The following KIF17 variants were observed in gnomAD, a reference collection of about 807,000 sequenced individuals.
KIF17 encodes the protein kinesin family member 17.
A neutral mutation model predicts 96.8 loss-of-function variants in KIF17; 80 were observed. The ratio of observed to expected loss-of-function variants is 0.83; its 90% CI spans 0.69 to 1.00. The LOEUF (loss-of-function observed/expected upper bound fraction) is 1.00, where lower values mean the gene tolerates loss of function less well. Among genes scored for constraint, KIF17 ranks in the 50% least tolerant of loss-of-function variants. The pLI is 0.00. For missense variants in KIF17, 1,280 were observed against 1,372.9 expected (o/e 0.93, Z 1.07); for synonymous variants, 567 against 587.5 (o/e 0.97, Z 0.51).
Position 20,670,314 on chromosome 1 carries a change from C to T in KIF17, c.2790+107G>A, listed in dbSNP as rs77149150. The T allele has an allele frequency of 1.3e-3, 1,452 of 1,101,718 alleles. 15 individuals are homozygous for T. The African/African-American group carries it at 0.019, about 14-fold the overall frequency. 68.2% of individuals were successfully genotyped at this position (1,101,718 alleles called of 1,614,324 possible). ...CTTGGCCCCTTCTTTAATCCTTAGG[C>T]GGGAGGAAAGTGGAAAACCAGCTCT... On this transcript the variant is annotated intron_variant, in intron 13 of 14. Coordinates refer to ENST00000400463, the MANE Select transcript of KIF17 (RefSeq NM_001122819.3).
rs371872390 is a variant in KIF17, at chr1:20,671,990, G to A, written c.2670C>T (p.Asn890=). 81 of 1,613,914 alleles carry A rather than the reference G, an allele frequency of 5.0e-5. No homozygotes were observed. Among genetic ancestry groups the A allele is most frequent in the East Asian group, 3.8e-4 (17 of 44,898 alleles). The change falls in exon 12 of 15, where the codon AAC becomes AAT. Residue 890 remains asparagine, a synonymous_variant. Coordinates refer to ENST00000400463, the MANE Select transcript of KIF17 (RefSeq NM_001122819.3). ...ILRESCWDED[N]GFWKIPHPVI... ...CGGGATGTGGGATCTTCCAGAAGCC[G>A]TTATCTTCGTCCCAGCAGGACTCAC...
intron 8 of KIF17, chr1:20,686,423 A>G (rs1054804240): frequency 1.9e-6 from 1 of 513,784 alleles, no homozygotes; most frequent in African/African-American, 1.9e-5. Context: ...CCAGCCCAGA[A>G]AGGTCACACA....
chr1:20,698,072 C>G (rs936965228), intron 6 of KIF17, among the ~76,000 whole-genome samples: 5 of 152,244 alleles, frequency 3.3e-5, no homozygotes, highest in Non-Finnish European at 7.3e-5. Context: ...GCCACCCCTT[C>G]CTTCAAAACG....
chr1:20,666,322 G>C lies in KIF17; in HGVS notation c.2800C>G (p.Arg934Gly). ...CTCCGACTGAGCATGAGCCTGTAGC[G>C]GTCGTCCTCCTGCCGAGATGCAGAT... ...DNGEPNMEDD[R>G]YRLMLSRSNS... Residue 934 changes from arginine to glycine, a missense_variant, in exon 14 of 15, where the codon CGC (arginine) becomes GGC (glycine). Arg to Gly is a moderately radical substitution (Grantham distance 125). Coordinates refer to ENST00000400463, the MANE Select transcript of KIF17 (RefSeq NM_001122819.3). 2 of 1,613,168 alleles carry C rather than the reference G, an allele frequency of 1.2e-6. No individual in the cohort carries two copies. Among genetic ancestry groups the C allele is most frequent in the Non-Finnish European group, 1.7e-6 (2 of 1,179,066 alleles).
intron 3 of KIF17, among the ~76,000 whole-genome samples, chr1:20,712,850 A>ATAG (rs2054492405): frequency 4.4e-4 from 6 of 13,602 alleles, no homozygotes; most frequent in East Asian, 4.3e-3. Flanking sequence ...AGATATAGAT[A>ATAG]ATATTATCTA....
At chr1:20,697,166 A>G (rs1385353317) in intron 6 of KIF17, among the ~76,000 whole-genome samples, 1 of 152,218 alleles carries the variant, frequency 6.6e-6, no homozygotes, top group African/African-American at 2.4e-5. Context: ...CCACAGCCCA[A>G]CAGGGGCTTC....
intron 10 of KIF17, among the ~76,000 whole-genome samples, chr1:20,683,915 G>GC (rs972625485): frequency 6.6e-6 from 1 of 151,514 alleles, no homozygotes; most frequent in African/African-American, 2.5e-5. Flanking sequence ...TTCTGTGAAG[G>GC]CCCCCCAGCC....
rs116683388 is a variant in KIF17, at chr1:20,704,785, T to C, written c.785A>G (p.Lys262Arg). The C allele has an allele frequency of 3.0e-4, 480 of 1,611,058 alleles. 5 individuals carry two copies. The African/African-American group carries it at 5.7e-3, about 19-fold the overall frequency. Residue 262 changes from lysine to arginine, a missense_variant, in exon 5 of 15, where the codon AAG (lysine) becomes AGG (arginine). Lys to Arg is a conservative substitution (Grantham distance 26). Transcript: ENST00000400463. The surrounding 1 kb of genome is among the most constrained non-coding windows in gnomAD (Gnocchi z 6.8). ...ATGERLKEAT[K>R]INLSLSALGN... is the part of the protein sequence containing the mutation. ...CAGTGCCGAGAGCGACAGGTTGATCTTGGTGGCCTCCTTGAGCCGCTCGCC... is the reference window on the plus strand; with the variant it reads ...CAGTGCCGAGAGCGACAGGTTGATCCTGGTGGCCTCCTTGAGCCGCTCGCC...
intron 6 of KIF17, among the ~76,000 whole-genome samples, chr1:20,692,370 T>C (rs2054054454): frequency 6.6e-6 from 1 of 151,744 alleles, no homozygotes; most frequent in African/African-American, 2.4e-5. Flanking sequence ...AGACAGAGTA[T>C]CGCTCTGTCA....
In KIF17 at chr1:20,716,269, C is replaced by A. The variant is rs58278335; in HGVS notation, c.232-630G>T. On this transcript the variant is annotated intron_variant, in intron 1 of 14. Coordinates refer to ENST00000400463, the MANE Select transcript of KIF17 (RefSeq NM_001122819.3). ...AAAAAAAAAAAAAAAAAATCAATATCTTAAAGGGTAAGAGCAGCACCTGCG... is the reference window on the plus strand; with the variant it reads ...AAAAAAAAAAAAAAAAAATCAATATATTAAAGGGTAAGAGCAGCACCTGCG... Among the ~76,000 whole-genome samples, 782 of 149,018 alleles carry A rather than the reference C, an allele frequency of 5.2e-3. 7 individuals carry two copies. Among genetic ancestry groups the A allele is most frequent in the African/African-American group, 0.018 (751 of 40,636 alleles).
At position 20,700,129 on chromosome 1, in the gene KIF17, C is replaced by T. The variant is rs886650194; in HGVS notation, c.1124-1641G>A. Among the ~76,000 whole-genome samples the T allele has an allele frequency of 4.6e-5, 7 of 152,072 alleles. No individual in the cohort carries two copies. The highest frequency in any genetic ancestry group is 9.7e-5 in the African/African-American group (4 of 41,410). ...CTCTGTCGCCTAGGCTAGATGCAAT[C>T]GTGTGATCTCGGCTCACTGCAACCT... On this transcript the variant is annotated intron_variant, in intron 5 of 14. Coordinates refer to ENST00000400463, the MANE Select transcript of KIF17 (RefSeq NM_001122819.3). This position sits in a 1 kb window ranked among gnomAD's most constrained non-coding sequence, Gnocchi z 4.6.
chr1:20,681,851 G>A (rs1434239588), intron 11 of KIF17, among the ~76,000 whole-genome samples: 1 of 152,120 alleles, frequency 6.6e-6, no homozygotes, highest in Non-Finnish European at 1.5e-5. Context: ...GAATGTCCCT[G>A]TCCCCCACCT....
rs1482504412 is a variant in KIF17, at chr1:20,700,257, G to C, written c.1124-1769C>G. The stretch of plus-strand genomic sequence containing the variant: ...GGCTAATATTTTCTATTTTAGTAGA[G>C]ATGGGGTTTCACTATGTTGGCCAGG... On this transcript the variant is annotated intron_variant, in intron 5 of 14. Coordinates refer to ENST00000400463, the MANE Select transcript of KIF17 (RefSeq NM_001122819.3). The surrounding 1 kb of genome is among the most constrained non-coding windows in gnomAD (Gnocchi z 4.6). Among the ~76,000 whole-genome samples, 2 of 152,184 alleles carry C rather than the reference G, an allele frequency of 1.3e-5. No homozygotes were observed. The highest frequency in any genetic ancestry group is 2.9e-5 in the Non-Finnish European group (2 of 68,034).
Position 20,698,464 on chromosome 1 carries a change from G to A in KIF17, c.1148C>T (p.Pro383Leu), listed in dbSNP as rs1427405044. ...CTTCTCCTCCACCTGCACAGGGTCT[G>A]GGGGCACCTGCCTGGACAGCAGGGC... The part of the protein sequence containing the change: ...LSALLSRQVP[P>L]DPVQVEEKLL... The change falls in exon 6 of 15, where the codon CCA becomes CTA. Residue 383 changes from proline to leucine, a missense_variant. Coordinates refer to ENST00000400463, the MANE Select transcript of KIF17 (RefSeq NM_001122819.3). 6.2e-7 allele frequency: 1 copy of A among 1,612,860 alleles called. No individual in the cohort carries two copies. The highest frequency in any genetic ancestry group is 8.5e-7 in the Non-Finnish European group (1 of 1,179,694).
rs777763034 is a variant in KIF17 at position 20,685,347 on chromosome 1, C to T, written c.2020-327G>A. The T allele has an allele frequency of 5.3e-5, 26 of 489,468 alleles. No homozygotes were observed. Among genetic ancestry groups the T allele is most frequent in the Non-Finnish European group, 8.6e-5 (22 of 254,974 alleles). The allele number at this position is 489,468 out of a possible 1,614,324, so 30.3% of individuals were successfully genotyped here. On this transcript the variant is annotated intron_variant, in intron 9 of 14. Coordinates refer to ENST00000400463, the MANE Select transcript of KIF17 (RefSeq NM_001122819.3). This position sits in a 1 kb window ranked among gnomAD's most constrained non-coding sequence, Gnocchi z 4.1. ...ATGAGCCCCATGTGACTTCCCGTCA[C>T]GTTCGCAGGAAAGTCCACTTTCCTC...
intron 4 of KIF17, among the ~76,000 whole-genome samples, chr1:20,705,227 C>T (rs1381925598): frequency 6.6e-6 from 1 of 152,182 alleles, no homozygotes; most frequent in East Asian, 1.9e-4. Flanking sequence ...ACAGCAGCTC[C>T]CGAAGGCTTC....
chr1:20,682,973 C>G, intron 10 of KIF17, 89 bp from the exon 11 acceptor site: 1 of 1,127,056 alleles, frequency 8.9e-7, no homozygotes, highest in Admixed American at 2.0e-5. Context: ...ATGCGTGGGC[C>G]CCCCAGATCC....
rs61547532 is a variant in KIF17 at position 20,699,401 on chromosome 1, CA to C, written c.1124-914del. ...CAACATAGTAAAACCCCGTCTCTAC[CA>C]AAAAAATACAAAAATTAGCTAGGCA... On this transcript the variant is annotated intron_variant, in intron 5 of 14. Transcript: ENST00000400463. This position sits in a 1 kb window ranked among gnomAD's most constrained non-coding sequence, Gnocchi z 4.3. Among the ~76,000 whole-genome samples the C allele has an allele frequency of 0.049, 7,464 of 151,740 alleles. 618 individuals carry two copies. Among genetic ancestry groups the C allele is most frequent in the African/African-American group, 0.17 (7,015 of 41,322 alleles).
Position 20,685,280 on chromosome 1 carries a change from C to T in KIF17, c.2020-260G>A. ...CCACAATCCAGTCTCCACAGGCAGC[C>T]AGGGCCATCTTAAAATAGAAACCGA... On this transcript the variant is annotated intron_variant, in intron 9 of 14. Coordinates refer to ENST00000400463, the MANE Select transcript of KIF17 (RefSeq NM_001122819.3). This position sits in a 1 kb window ranked among gnomAD's most constrained non-coding sequence, Gnocchi z 4.1. 1.5e-6 allele frequency: 1 copy of T among 665,718 alleles called. No homozygotes were observed. The highest frequency in any genetic ancestry group is 2.8e-6 in the Non-Finnish European group (1 of 361,046). 41.2% of individuals were successfully genotyped at this position (665,718 alleles called of 1,614,324 possible).
Sources: allele counts gnomAD v4.1 joint callset (sites outside exome capture counted in the v4.1 genomes callset), GRCh38; gene constraint gnomAD v4.1.1; non-coding constraint Gnocchi (gnomAD v3.1); transcripts MANE v1.5; gene names NCBI Gene and HGNC (gene_info 2026-07-23, HGNC 2026-07-21).